The following AGO2 variants were observed in gnomAD, a reference collection of about 807,000 sequenced individuals.
AGO2 encodes argonaute RISC catalytic component 2, also known as protein argonaute-2.
In AGO2, 5 loss-of-function variants were observed where a neutral mutation model predicts 102.3. The ratio of observed to expected loss-of-function variants is 0.05; its 90% CI spans 0.03 to 0.10. AGO2 has a LOEUF of 0.10. Among genes scored for constraint, AGO2 ranks in the 10% least tolerant of loss-of-function variants. The probability of loss-of-function intolerance (pLI) is 1.00; values close to 1 mark genes in which losing one functional copy is unlikely to be tolerated. For missense variants in AGO2, 541 were observed against 1,183.7 expected (o/e 0.46, Z 7.97); for synonymous variants, 449 against 473.1 (o/e 0.95, Z 0.66).
In AGO2 at chr8:140,564,297, G is replaced by A. The variant is rs6994331; in HGVS notation, c.337-1663C>T. Among the ~76,000 whole-genome samples, 1,500 of 151,782 alleles carry A rather than the reference G, an allele frequency of 9.9e-3. 30 individuals carry two copies. Among genetic ancestry groups the A allele is most frequent in the African/African-American group, 0.033 (1,343 of 41,294 alleles). On this transcript the variant is annotated intron_variant, in intron 3 of 18. Coordinates refer to ENST00000220592, the MANE Select transcript of AGO2 (RefSeq NM_012154.5). ...TCATCAGGACAGCGGAGGGGGTGGCGGTGGGGGGACGCAATCAAGGCTTCG... is the reference window on the plus strand; with the variant it reads ...TCATCAGGACAGCGGAGGGGGTGGCAGTGGGGGGACGCAATCAAGGCTTCG...
At position 140,557,053 on chromosome 8, in the gene AGO2, A is replaced by C. The variant is rs1254286651; in HGVS notation, c.1026+36T>G. On this transcript the variant is annotated intron_variant, in intron 8 of 18. Coordinates refer to ENST00000220592, the MANE Select transcript of AGO2 (RefSeq NM_012154.5). The surrounding 1 kb of genome is among the most constrained non-coding windows in gnomAD (Gnocchi z 5.9). ...CCCCAGCCTGGGACGCCGCCCTCCCAAGCCCCCAGAGACACACAGGAAGAG... is the reference window on the plus strand; with the variant it reads ...CCCCAGCCTGGGACGCCGCCCTCCCCAGCCCCCAGAGACACACAGGAAGAG... 6.3e-7 allele frequency: 1 copy of C among 1,588,280 alleles called. No individual in the cohort carries two copies. Among genetic ancestry groups the C allele is most frequent in the Non-Finnish European group, 8.6e-7 (1 of 1,164,900 alleles).
At chr8:140,630,410 G>A (rs955241401) in intron 1 of AGO2, among the ~76,000 whole-genome samples, 5 of 152,234 alleles carry the variant, frequency 3.3e-5, no homozygotes, top group African/African-American at 9.6e-5. Context: ...AGGGCCTGGC[G>A]ATTTGGTCAC....
At chr8:140,546,532 C>A (rs1427957908) in intron 13 of AGO2, among the ~76,000 whole-genome samples, 3 of 152,226 alleles carry the variant, frequency 2.0e-5, no homozygotes, top group Non-Finnish European at 2.9e-5. Flanking sequence ...AGGGTCACTG[C>A]CTTAAGGCAG....
Position 140,560,477 on chromosome 8 carries a change from C to A in AGO2, c.552G>T (p.Ala184=). 6.2e-7 allele frequency: 1 copy of A among 1,614,192 alleles called. No individual in the cohort carries two copies. The change falls in exon 5 of 19, where the codon GCG becomes GCT. Residue 184 remains alanine, a synonymous_variant. Coordinates refer to ENST00000220592, the MANE Select transcript of AGO2 (RefSeq NM_012154.5). ...YTPVGRSFFT[A]SEGCSNPLGG... is the part of the protein sequence containing the mutation. ...CAAGAGGGTTAGAGCAGCCTTCGGA[C>A]GCGGTGAAGAAGGAGCGGCCCACGG...
chr8:140,545,154 C>G (rs1300894168), intron 13 of AGO2, among the ~76,000 whole-genome samples: 1 of 152,180 alleles, frequency 6.6e-6, no homozygotes, highest in Non-Finnish European at 1.5e-5. Context: ...CACTCTCCGC[C>G]CACATCCTCT....
At chr8:140,570,223 T>A (rs1226298571) in intron 3 of AGO2, among the ~76,000 whole-genome samples, 1 of 152,218 alleles carries the variant, frequency 6.6e-6, no homozygotes, top group East Asian at 1.9e-4. Context: ...CATGAGCTTT[T>A]CTTTTTTCCT....
upstream of AGO2, chr8:140,637,943 G>C (rs56972659): frequency 0.16 from 24,906 of 152,238 alleles, 2,483 homozygotes; most frequent in Admixed American, 0.31. Flanking sequence ...CCAGACCCAC[G>C]TCCCACACCC....
chr8:140,634,403 C>T (rs1409236045), intron 1 of AGO2, among the ~76,000 whole-genome samples: 1 of 152,174 alleles, frequency 6.6e-6, no homozygotes, highest in Non-Finnish European at 1.5e-5. Flanking sequence ...AAGCCCAGAG[C>T]CCGGCGGGGC....
Position 140,557,279 on chromosome 8 carries a change from C to A in AGO2, c.879-43G>T. 6.4e-7 allele frequency: 1 copy of A among 1,566,344 alleles called. No homozygotes were observed. On this transcript the variant is annotated intron_variant, in intron 7 of 18. Transcript: ENST00000220592. The surrounding 1 kb of genome is among the most constrained non-coding windows in gnomAD (Gnocchi z 5.9). Reference sequence around the variant, plus strand: ...TGTTCAGGCCGAGGGCATCCCGGAGCCCCTTCCCCTGCGCTGCTTTTCATT... The same window carrying A: ...TGTTCAGGCCGAGGGCATCCCGGAGACCCTTCCCCTGCGCTGCTTTTCATT...
At chr8:140,613,116 C>T (rs907188227) in intron 1 of AGO2, among the ~76,000 whole-genome samples, 3 of 152,060 alleles carry the variant, frequency 2.0e-5, no homozygotes, top group Admixed American at 6.5e-5. Flanking sequence ...AGGAGAATGG[C>T]GTGAACCCGG....
At chr8:140,548,042 G>A (rs1051000978) in intron 12 of AGO2, among the ~76,000 whole-genome samples, 1 of 152,206 alleles carries the variant, frequency 6.6e-6, no homozygotes, top group African/African-American at 2.4e-5. Flanking sequence ...CTGGCCGGGC[G>A]CGGTGGCTCA....
the AGO2 span, among the ~76,000 whole-genome samples, chr8:140,642,022 A>G: frequency 1.3e-5 from 2 of 152,194 alleles, no homozygotes; most frequent in African/African-American, 4.8e-5. Context: ...AGCCTGGTCA[A>G]CAGAGACCGT....
intron 1 of AGO2, among the ~76,000 whole-genome samples, chr8:140,631,442 G>A (rs1450063141): frequency 4.0e-5 from 6 of 151,792 alleles, no homozygotes; most frequent in African/African-American, 1.5e-4. Flanking sequence ...GCTGAGGCAG[G>A]AGAATCGCTT....
intron 17 of AGO2, among the ~76,000 whole-genome samples, chr8:140,534,864 G>C (rs1304358689): frequency 6.6e-6 from 1 of 152,208 alleles, no homozygotes; most frequent in African/African-American, 2.4e-5. Context: ...CTCCTACCAC[G>C]GACGTGGTGC....
intron 10 of AGO2, among the ~76,000 whole-genome samples, chr8:140,553,397 G>GTTTTTTTTTT (rs1247887588): frequency 7.7e-6 from 1 of 129,682 alleles, no homozygotes; most frequent in Non-Finnish European, 1.5e-5. Context: ...CAAGTTACAA[G>GTTTTTTTTTT]TTTTTTGTTT....
rs569460838 is a variant in AGO2 at position 140,580,427 on chromosome 8, C to T, written c.215+4692G>A. Among the ~76,000 whole-genome samples, 18 of 152,362 alleles carry T rather than the reference C, an allele frequency of 1.2e-4. 1 individual carries two copies. In the East Asian group the frequency reaches 3.1e-3, roughly 26 times the overall value. On this transcript the variant is annotated intron_variant, in intron 2 of 18. Transcript: ENST00000220592. ...GGGAACTCACGACTAAGACGCCATCCTTGCTCTCACAGAGGCTGCAGTGTG... is the reference window on the plus strand; with the variant it reads ...GGGAACTCACGACTAAGACGCCATCTTTGCTCTCACAGAGGCTGCAGTGTG...
At chr8:140,554,939 G>A (rs779838705) in intron 10 of AGO2, among the ~76,000 whole-genome samples, 22 of 152,164 alleles carry the variant, frequency 1.4e-4, no homozygotes, top group Non-Finnish European at 2.9e-4. Context: ...GCCTCCCGAA[G>A]TGCTGGGATT....
Position 140,616,652 on chromosome 8 carries a change from G to T in AGO2, c.22+18833C>A, listed in dbSNP as rs536412166. On this transcript the variant is annotated intron_variant, in intron 1 of 18. Coordinates refer to ENST00000220592, the MANE Select transcript of AGO2 (RefSeq NM_012154.5). ...ATTATTATCCCATTTTACAGAGGAGGAGCTGACACAGGGGCAGCAGCAGTG... is the reference window on the plus strand; with the variant it reads ...ATTATTATCCCATTTTACAGAGGAGTAGCTGACACAGGGGCAGCAGCAGTG... Among the ~76,000 whole-genome samples the T allele has an allele frequency of 3.9e-5, 6 of 152,266 alleles. No homozygotes were observed. The South Asian group carries it at 1.0e-3, about 26-fold the overall frequency.
chr8:140,619,163 GT>G (rs1411768514), intron 1 of AGO2, among the ~76,000 whole-genome samples: 1 of 152,136 alleles, frequency 6.6e-6, no homozygotes, highest in Non-Finnish European at 1.5e-5. Flanking sequence ...TGCCCACACA[GT>G]GTATACAAGA....
Sources: gnomAD v4.1 joint callset for allele counts (sites outside exome capture counted in the v4.1 genomes callset) on GRCh38, gnomAD v4.1.1 for gene constraint, Gnocchi (gnomAD v3.1) non-coding constraint, MANE v1.5 for transcripts, NCBI Gene and HGNC (gene_info 2026-07-23, HGNC 2026-07-21) for gene names.